Variants in ZGPAT observed in about 807,000 individuals in gnomAD.
The protein encoded by ZGPAT is zinc finger CCCH-type and G-patch domain containing, also known as zinc finger CCCH-type with G patch domain-containing protein.
ZGPAT carries 39 observed loss-of-function variants against 47.9 expected under a neutral mutation model. The observed-to-expected ratio is 0.81, with a 90% CI of 0.63 to 1.06. ZGPAT has a LOEUF of 1.06. Among genes scored for constraint, ZGPAT ranks in the 50% least tolerant of loss-of-function variants. The probability of loss-of-function intolerance (pLI) is 0.00; values close to 1 mark genes in which losing one functional copy is unlikely to be tolerated. For synonymous variants in ZGPAT, 348 were observed against 292.9 expected (o/e 1.19, Z -1.92); for missense variants, 717 against 681.4 (o/e 1.05, Z -0.58).
chr20:63,707,595 G>C (rs1459931269), upstream of ZGPAT: 1 of 155,366 alleles, frequency 6.4e-6, no homozygotes, highest in East Asian at 1.9e-4. Flanking sequence ...CTTAAAACGG[G>C]GACGGCCCTG....
In ZGPAT at chr20:63,709,473, T is replaced by A. The variant is rs1002642039; in HGVS notation, c.584+309T>A. ...GTCAACATGGTGAAACCCCATCTCCTTAAAAACACAAAAATGAACCGGTCG... is the reference window on the plus strand; with the variant it reads ...GTCAACATGGTGAAACCCCATCTCCATAAAAACACAAAAATGAACCGGTCG... On this transcript the variant is annotated intron_variant, in intron 2 of 6. Coordinates refer to ENST00000355969, the MANE Select transcript of ZGPAT (RefSeq NM_181485.3). Among the ~76,000 whole-genome samples the A allele has an allele frequency of 2.6e-5, 4 of 151,960 alleles. No individual in the cohort carries two copies. The East Asian group carries it at 7.7e-4, about 29-fold the overall frequency.
In ZGPAT at chr20:63,709,190, A is replaced by G. The variant is rs1391759328; in HGVS notation, c.584+26A>G. The G allele has an allele frequency of 4.4e-6, 7 of 1,602,958 alleles. No homozygotes were observed. In the East Asian group the frequency reaches 1.3e-4, roughly 31 times the overall value. ...GTAAAGCCCTTTGTTGTCAGATGCC[A>G]ACCTTAGGGGCGTAAGGGGCACGCA... On this transcript the variant is annotated intron_variant, in intron 2 of 6. Transcript: ENST00000355969.
intron 2 of ZGPAT, among the ~76,000 whole-genome samples, chr20:63,730,970 C>CTCTCTCTCTG (rs1237935541): frequency 1.9e-4 from 22 of 115,192 alleles, no homozygotes; most frequent in East Asian, 1.6e-3. Flanking sequence ...CTCTCTCTCT[C>CTCTCTCTCTG]TGTGTGTGTG....
intron 1 of ZGPAT, 139 bp downstream of exon 1, chr20:63,708,257 G>T: frequency 5.8e-6 from 1 of 171,656 alleles, no homozygotes; most frequent in Non-Finnish European, 1.2e-5. Context: ...GGCGCGGCCG[G>T]CCTGGAAGGC....
At chr20:63,733,124 C>T in intron 2 of ZGPAT, 95 bp from the exon 3 acceptor site, 1 of 1,526,998 alleles carries the variant, frequency 6.5e-7, no homozygotes, top group Non-Finnish European at 8.9e-7. Flanking sequence ...CTGTCTCCCT[C>T]AGGACAGTGC....
At chr20:63,726,659 A>G (rs2091849199) in intron 2 of ZGPAT, among the ~76,000 whole-genome samples, 1 of 151,740 alleles carries the variant, frequency 6.6e-6, no homozygotes, top group Non-Finnish European at 1.5e-5. Context: ...AGTAGCTGGG[A>G]CTGCAGGCAC....
chr20:63,711,601 C>CT (rs749955563), intron 2 of ZGPAT, among the ~76,000 whole-genome samples: 181 of 144,526 alleles, frequency 1.3e-3, no homozygotes, highest in Middle Eastern at 3.6e-3. Context: ...TGCGTTGGAC[C>CT]TTTTTTTTTT....
At position 63,709,126 on chromosome 20, in the gene ZGPAT, C is replaced by G; in HGVS notation, c.546C>G (p.Phe182Leu). The G allele has an allele frequency of 3.1e-6, 5 of 1,612,776 alleles. No homozygotes were observed. The highest frequency in any genetic ancestry group is 2.2e-5 in the South Asian group (2 of 91,088). Residue 182 changes from phenylalanine to leucine, a missense_variant, in exon 2 of 7, where the codon TTC becomes TTG. By Grantham distance (22) the Phe-to-Leu change is conservative. Transcript: ENST00000355969. The stretch of plus-strand genomic sequence containing the variant: ...ACAAGTCTCTGAAGCCGTGCCCGTT[C>G]TTCCTGGAGGGAAAGTGCCGCTTTA... ...PTHKSLKPCP[F>L]FLEGKCRFKE...
chr20:63,733,508 G>T, intron 3 of ZGPAT, 79 bp from the exon 4 acceptor site: 1 of 1,611,180 alleles, frequency 6.2e-7, no homozygotes, highest in Non-Finnish European at 8.5e-7. Flanking sequence ...GCCCTGCCTT[G>T]CTCCTCATGT....
Position 63,725,983 on chromosome 20 carries a change from G to A in ZGPAT, c.585-7236G>A, listed in dbSNP as rs980606232. On this transcript the variant is annotated intron_variant, in intron 2 of 6. Coordinates refer to ENST00000355969, the MANE Select transcript of ZGPAT (RefSeq NM_181485.3). ...CCTGAGTAGTTGGGACTACCGGAGT[G>A]TGCCACCACCATGCCCAGCTAATTT... Among the ~76,000 whole-genome samples the A allele has an allele frequency of 1.5e-4, 22 of 151,200 alleles. No individual in the cohort carries two copies. The East Asian group carries it at 3.1e-3, about 21-fold the overall frequency.
At chr20:63,715,284 G>A (rs188860824) in intron 2 of ZGPAT, among the ~76,000 whole-genome samples, 54 of 144,888 alleles carry the variant, frequency 3.7e-4, no homozygotes, top group Admixed American at 1.5e-3. Context: ...CTCTGTCGCC[G>A]GGCTGGAGTG....
intron 3 of ZGPAT, 45 bp downstream of exon 3, chr20:63,733,397 C>G: frequency 6.2e-7 from 1 of 1,603,018 alleles, no homozygotes; most frequent in Non-Finnish European, 8.5e-7. Flanking sequence ...CTCCCAGGCC[C>G]CACGTGTGTT....
At chr20:63,731,360 TTGTG>T (rs2091899648) in intron 2 of ZGPAT, among the ~76,000 whole-genome samples, 1 of 137,980 alleles carries the variant, frequency 7.2e-6, no homozygotes, top group African/African-American at 2.8e-5. Context: ...GTGTGTGAGA[TTGTG>T]TATGTGCATA....
At chr20:63,708,469 G>A (rs1324175816) in intron 1 of ZGPAT, 84 bp from the exon 2 acceptor site, 10 of 975,120 alleles carry the variant, frequency 1.0e-5, no homozygotes, top group African/African-American at 3.3e-5. Context: ...CCGAGGGAAA[G>A]GGGACGTGCC....
chr20:63,720,163 TC>T (rs1182797229), intron 2 of ZGPAT, among the ~76,000 whole-genome samples: 2 of 151,976 alleles, frequency 1.3e-5, no homozygotes, highest in Admixed American at 6.6e-5. Context: ...TTTTTAATTT[TC>T]TTTTTTTTTT....
intron 4 of ZGPAT, chr20:63,734,455 GGCCGTGGGGACT>G: frequency 1.5e-6 from 1 of 645,298 alleles, no homozygotes; most frequent in South Asian, 2.1e-5. Context: ...CGGTGCAGCA[GGCCGTGGGGACT>G]GCCATGCACT....
chr20:63,735,810 A>T lies in ZGPAT; in HGVS notation c.1427A>T (p.Glu476Val), dbSNP rs759183936. Residue 476 changes from glutamate (E) to valine (V), a missense_variant, in exon 7 of 7, where the codon GAG (glutamate) becomes GTG (valine). Glu to Val is a moderately radical substitution (Grantham distance 121, BLOSUM62 -2). Coordinates refer to ENST00000355969, the MANE Select transcript of ZGPAT (RefSeq NM_181485.3). ...RHSVASAQLQ[E>V]KLAGAQRQLG... ...AGCGTGGCGTCAGCCCAGCTGCAGG[A>T]GAAGCTGGCAGGAGCCCAGCGCCAG... 6.2e-7 allele frequency: 1 copy of T among 1,611,120 alleles called. No individual in the cohort carries two copies. The highest frequency in any genetic ancestry group is 1.1e-5 in the South Asian group (1 of 90,916).
chr20:63,731,374 A>G (rs190670712), intron 2 of ZGPAT, among the ~76,000 whole-genome samples: 2 of 147,858 alleles, frequency 1.4e-5, no homozygotes, highest in Admixed American at 1.4e-4. Flanking sequence ...GTATGTGCAT[A>G]CGTGTGTAAA....
chr20:63,731,403 GTGT>G (rs1237857314), intron 2 of ZGPAT, among the ~76,000 whole-genome samples: 7 of 149,476 alleles, frequency 4.7e-5, no homozygotes, highest in African/African-American at 1.8e-4. Context: ...TTGGCCCTTG[GTGT>G]GTGTGTATGT....
Sources: gnomAD v4.1 joint callset for allele counts (sites outside exome capture counted in the v4.1 genomes callset) on GRCh38, gnomAD v4.1.1 for gene constraint, MANE v1.5 for transcripts, NCBI Gene and HGNC (gene_info 2026-07-23, HGNC 2026-07-21) for gene names.